HSD17B2: variants seen among roughly 807,000 people sequenced by gnomAD.
The protein encoded by HSD17B2 is hydroxysteroid 17-beta dehydrogenase 2, also known as 17-beta-hydroxysteroid dehydrogenase type 2.
HSD17B2 carries 32 observed loss-of-function variants against 26.9 expected under a neutral mutation model. The observed-to-expected ratio is 1.19, with a 90% CI of 0.90 to 1.60. The LOEUF (loss-of-function observed/expected upper bound fraction) is 1.60, where lower values mean the gene tolerates loss of function less well. Among genes scored for constraint, HSD17B2 ranks in the 40% most tolerant of loss-of-function variants. The pLI is 0.00. For missense variants in HSD17B2, 613 were observed against 468.6 expected (o/e 1.31, Z -2.85); for synonymous variants, 246 against 186.7 (o/e 1.32, Z -2.59).
chr16:82,082,537 C>T (rs186395036), intron 3 of HSD17B2, among the ~76,000 whole-genome samples: 4 of 152,222 alleles, frequency 2.6e-5, no homozygotes, highest in Admixed American at 1.3e-4. Flanking sequence ...TTTGTGTGGA[C>T]ACTATAAATT....
At chr16:82,036,605 T>G (rs566249590) in intron 1 of HSD17B2, among the ~76,000 whole-genome samples, 86 of 152,004 alleles carry the variant, frequency 5.7e-4, no homozygotes, top group African/African-American at 2.0e-3. Flanking sequence ...TGGGAGAAAA[T>G]CTGGGGCTTG....
At chr16:82,044,753 C>T (rs1421002131) in intron 1 of HSD17B2, 2 of 152,236 alleles carry the variant, frequency 1.3e-5, no homozygotes, top group Non-Finnish European at 2.9e-5. Context: ...ACACTGAAAG[C>T]TATCCCTCCA....
chr16:82,073,350 T>G (rs559007221), intron 3 of HSD17B2, among the ~76,000 whole-genome samples: 1 of 151,954 alleles, frequency 6.6e-6, no homozygotes, highest in Non-Finnish European at 1.5e-5. Context: ...TCAGCCTCCC[T>G]AGTAGCTGGG....
intron 3 of HSD17B2, among the ~76,000 whole-genome samples, chr16:82,074,877 A>C (rs1274961708): frequency 6.6e-6 from 1 of 152,234 alleles, no homozygotes; most frequent in Non-Finnish European, 1.5e-5. Context: ...AGAACACTTC[A>C]TCCAAAGGCT....
At chr16:82,051,575 T>G (rs1914108059) in intron 1 of HSD17B2, among the ~76,000 whole-genome samples, 14 of 138,588 alleles carry the variant, frequency 1.0e-4, no homozygotes, top group African/African-American at 1.6e-4. Flanking sequence ...GGGGTGGGGG[T>G]GAGGGTGAGG....
In HSD17B2 at chr16:82,071,117, C is replaced by G. The variant is rs779050764; in HGVS notation, c.654C>G (p.Ser218Arg). ...RKSKGRLVNV[S>R]SMGGGAPMER... Reference sequence around the variant, plus strand: ...CCAAAGGGAGGCTGGTGAATGTCAGCAGCATGGGAGGTGAGTCAGCATTTT... The same window carrying G: ...CCAAAGGGAGGCTGGTGAATGTCAGGAGCATGGGAGGTGAGTCAGCATTTT... Residue 218 changes from serine to arginine, a missense_variant, in exon 3 of 5, where the codon AGC becomes AGG. Physicochemically the swap from Ser to Arg is moderately radical, Grantham distance 110 (BLOSUM62 -1). Transcript: ENST00000199936. 16 of 1,614,010 alleles carry G rather than the reference C, an allele frequency of 9.9e-6. No individual in the cohort carries two copies. In the Admixed American group the frequency reaches 2.0e-4, roughly 20 times the overall value.
intron 3 of HSD17B2, among the ~76,000 whole-genome samples, chr16:82,090,009 C>G (rs1904637071): frequency 6.6e-6 from 1 of 152,194 alleles, no homozygotes; most frequent in African/African-American, 2.4e-5. Context: ...TCACCAGCTT[C>G]TAAGCTAAAT....
At chr16:82,049,362 T>G (rs1262221830) in intron 1 of HSD17B2, among the ~76,000 whole-genome samples, 7 of 152,198 alleles carry the variant, frequency 4.6e-5, no homozygotes, top group African/African-American at 1.4e-4. Flanking sequence ...GCTCTGAAGT[T>G]GAGATACTTT....
chr16:82,054,979 C>T (rs937546628), intron 1 of HSD17B2, among the ~76,000 whole-genome samples: 1 of 152,168 alleles, frequency 6.6e-6, no homozygotes, highest in Non-Finnish European at 1.5e-5. Flanking sequence ...CCAGATGGTT[C>T]TTTTTGGTGG....
chr16:82,057,028 A>G (rs568638237), intron 1 of HSD17B2, among the ~76,000 whole-genome samples: 17 of 152,346 alleles, frequency 1.1e-4, no homozygotes, highest in African/African-American at 3.4e-4. Context: ...GTAGTAAGCC[A>G]TAATCCAAAG....
At chr16:82,079,471 A>G (rs1904327474) in intron 3 of HSD17B2, among the ~76,000 whole-genome samples, 2 of 152,178 alleles carry the variant, frequency 1.3e-5, no homozygotes, top group South Asian at 4.1e-4. Flanking sequence ...AATGGCAGTC[A>G]TACTGAATTA....
intron 1 of HSD17B2, chr16:82,063,384 G>A (rs1022805562): frequency 8.5e-5 from 13 of 152,124 alleles, no homozygotes; most frequent in African/African-American, 3.1e-4. Context: ...CATTTTACAG[G>A]TAAGGAAGCA....
chr16:82,097,339 T>TATATATGTTTGTGTA (rs1567595538), intron 4 of HSD17B2: 1 of 95,714 alleles, frequency 1.0e-5, no homozygotes, highest in Non-Finnish European at 2.3e-5. Context: ...TATATACACA[T>TATATATGTTTGTGTA]TATATATGTG....
intron 4 of HSD17B2, chr16:82,097,011 T>C (rs1193818365): frequency 6.6e-6 from 1 of 151,988 alleles, no homozygotes; most frequent in Non-Finnish European, 1.5e-5. Context: ...TTTTGTTTTT[T>C]TTTTTCTTTT....
intron 1 of HSD17B2, among the ~76,000 whole-genome samples, chr16:82,044,157 T>C (rs1913847650): frequency 6.6e-5 from 10 of 152,198 alleles, no homozygotes. Context: ...GACTCAGAGT[T>C]AATATCACAT....
At chr16:82,091,235 T>G in intron 4 of HSD17B2, 196 bp downstream of exon 4, 1 of 667,266 alleles carries the variant, frequency 1.5e-6, no homozygotes. Context: ...TCCATTCTGA[T>G]TTGTGCGAAG....
intron 4 of HSD17B2, chr16:82,094,612 C>T (rs1904786931): frequency 6.6e-6 from 1 of 152,148 alleles, no homozygotes; most frequent in Non-Finnish European, 1.5e-5. Context: ...AGCCCAAGAG[C>T]AGAAGGCTGA....
At chr16:82,058,420 C>T (rs985880994) in intron 1 of HSD17B2, among the ~76,000 whole-genome samples, 5 of 152,028 alleles carry the variant, frequency 3.3e-5, no homozygotes, top group South Asian at 4.2e-4. Context: ...TGGGAACTCT[C>T]GGTACTAGCT....
At chr16:82,070,829 C>T in intron 2 of HSD17B2, 113 bp from the exon 3 acceptor site, 1 of 980,300 alleles carries the variant, frequency 1.0e-6, no homozygotes. Flanking sequence ...ACTCTAATCC[C>T]CCAGGAGACC....
Sources: allele counts gnomAD v4.1 joint callset (sites outside exome capture counted in the v4.1 genomes callset), GRCh38; gene constraint gnomAD v4.1.1; transcripts MANE v1.5; gene names NCBI Gene and HGNC (gene_info 2026-07-23, HGNC 2026-07-21).